EXTL3: variants seen among roughly 807,000 people sequenced by gnomAD.
EXTL3 encodes exostosin like glycosyltransferase 3.
A neutral mutation model predicts 69.3 loss-of-function variants in EXTL3; 27 were observed. The observed-to-expected ratio is 0.39, with a 90% CI of 0.29 to 0.54. EXTL3 has a LOEUF of 0.54. Ranked by LOEUF, EXTL3 falls within the 20% of genes least tolerant of loss-of-function variation. The pLI is 0.69. For synonymous variants in EXTL3, 511 were observed against 499.4 expected, an observed-to-expected ratio of 1.02 and a Z score of -0.31; for missense variants, 1,003 against 1,231.8, an observed-to-expected ratio of 0.81 and a Z score of 2.78.
chr8:28,628,810 T>C (rs1008747491), intron 1 of EXTL3, among the ~76,000 whole-genome samples: 3 of 152,130 alleles, frequency 2.0e-5, no homozygotes, highest in Non-Finnish European at 4.4e-5. Flanking sequence ...CACACCGTCA[T>C]TCCTGGCTAA....
intron 4 of EXTL3, among the ~76,000 whole-genome samples, chr8:28,736,864 GC>G (rs760589931): frequency 1.8e-4 from 28 of 152,202 alleles, no homozygotes; most frequent in Admixed American, 3.3e-4. Context: ...GGGAGGTGGT[GC>G]AATCATAGCT....
chr8:28,664,440 TGACGTGATCATGGCTCACA>T (rs1289579603), intron 1 of EXTL3, among the ~76,000 whole-genome samples: 6 of 152,158 alleles, frequency 3.9e-5, no homozygotes, highest in African/African-American at 1.4e-4. Context: ...TGGAGTGAAG[TGACGTGATCATGGCTCACA>T]GACGTGAGCC....
intron 3 of EXTL3, among the ~76,000 whole-genome samples, chr8:28,730,703 A>G (rs866323839): frequency 6.6e-6 from 1 of 152,168 alleles, no homozygotes. Flanking sequence ...AGTAGTCAGC[A>G]TTGTAGGTAG....
At chr8:28,733,304 CTTG>C (rs1231372077) in intron 4 of EXTL3, among the ~76,000 whole-genome samples, 1 of 152,012 alleles carries the variant, frequency 6.6e-6, no homozygotes, top group South Asian at 2.1e-4. Context: ...TTCGTCAATG[CTTG>C]TTATTTTCCA....
intron 1 of EXTL3, among the ~76,000 whole-genome samples, chr8:28,644,672 C>CTCTAAAAAATAAAA (rs1806800409): frequency 6.6e-6 from 1 of 152,108 alleles, no homozygotes; most frequent in Non-Finnish European, 1.5e-5. Context: ...AAGACCCTGT[C>CTCTAAAAAATAAAA]TCTAAAAAAT....
rs1252270730 is a variant in EXTL3 at position 28,750,543 on chromosome 8, C to T, written c.2551-114C>T. The T allele has an allele frequency of 3.4e-6, 3 of 875,876 alleles. No individual in the cohort carries two copies. The highest frequency in any genetic ancestry group is 1.6e-5 in the African/African-American group (1 of 60,774). The allele number at this position is 875,876 out of a possible 1,614,324, so 54.3% of individuals were successfully genotyped here. ...TGCCATGCTCTGCAGGGATGTTGCC[C>T]CTGAGGGGATCAGCGTCTTCACCAT... On this transcript the variant is annotated intron_variant, in intron 6 of 6. Transcript: ENST00000220562. This position sits in a 1 kb window ranked among gnomAD's most constrained non-coding sequence, Gnocchi z 5.2.
intron 1 of EXTL3, among the ~76,000 whole-genome samples, chr8:28,666,128 C>A (rs1378990180): frequency 6.6e-6 from 1 of 152,198 alleles, no homozygotes; most frequent in Non-Finnish European, 1.5e-5. Flanking sequence ...TTATTTCACT[C>A]TTTTTCAAAA....
At chr8:28,671,335 C>T (rs1480998383) in intron 1 of EXTL3, among the ~76,000 whole-genome samples, 3 of 129,842 alleles carry the variant, frequency 2.3e-5, no homozygotes, top group Non-Finnish European at 4.9e-5. Context: ...TTTTTGAGAC[C>T]GACTCTCTCT....
chr8:28,732,206 T>G lies in EXTL3; in HGVS notation c.2276+856T>G, dbSNP rs189905492. Among the ~76,000 whole-genome samples, 14 of 152,028 alleles carry G rather than the reference T, an allele frequency of 9.2e-5. No homozygotes were observed. In the East Asian group the frequency reaches 2.7e-3, roughly 29 times the overall value. On this transcript the variant is annotated intron_variant, in intron 4 of 6. Transcript: ENST00000220562. The stretch of plus-strand genomic sequence containing the variant: ...GGTCACTGCAGGGAAGAGGATGGAG[T>G]AGATGAAGGCTACTCCAGGTATCTC...
Position 28,718,103 on chromosome 8 carries a change from A to G in EXTL3, c.2044A>G (p.Arg682Gly). 6.2e-7 allele frequency: 1 copy of G among 1,614,018 alleles called. No homozygotes were observed. The highest frequency in any genetic ancestry group is 1.7e-5 in the Admixed American group (1 of 60,012). Residue 682 changes from arginine (R) to glycine (G), a missense_variant, in exon 3 of 7, where the codon AGG (arginine) becomes GGG (glycine). Arg to Gly is a moderately radical substitution (Grantham distance 125, BLOSUM62 -2). Around this residue, in one of 2 missense-constraint regions of EXTL3, gnomAD observed 261 missense variants for 416.4 expected, o/e 0.63. Coordinates refer to ENST00000220562, the MANE Select transcript of EXTL3 (RefSeq NM_001440.4). Reference protein sequence around the residue: ...REEVLMNSLERLNGLPYLNKV... With the variant: ...REEVLMNSLEGLNGLPYLNKV... Reference sequence around the variant, plus strand: ...GGAAGTGCTTATGAACTCTTTAGAGAGGCTGAATGGCCTCCCTTACCTGAA... The same window carrying G: ...GGAAGTGCTTATGAACTCTTTAGAGGGGCTGAATGGCCTCCCTTACCTGAA...
At chr8:28,644,127 G>T (rs1806790365) in intron 1 of EXTL3, among the ~76,000 whole-genome samples, 1 of 151,768 alleles carries the variant, frequency 6.6e-6, no homozygotes, top group South Asian at 2.1e-4. Flanking sequence ...ACTTTTAGAT[G>T]AATGAAATTA....
At chr8:28,630,047 T>A (rs1234487231) in intron 1 of EXTL3, among the ~76,000 whole-genome samples, 1 of 152,144 alleles carries the variant, frequency 6.6e-6, no homozygotes, top group Non-Finnish European at 1.5e-5. Context: ...CTCTTTTTCT[T>A]TTTTAACTGA....
At chr8:28,651,370 C>T (rs1431269297) in intron 1 of EXTL3, among the ~76,000 whole-genome samples, 2 of 152,056 alleles carry the variant, frequency 1.3e-5, no homozygotes, top group South Asian at 2.1e-4. Flanking sequence ...TTGTCCCCCA[C>T]GCTGGAGTGC....
upstream of EXTL3, chr8:28,699,310 T>G (rs1277118333): frequency 6.6e-6 from 1 of 152,422 alleles, no homozygotes; most frequent in African/African-American, 2.4e-5. Flanking sequence ...TGGTTGAAAT[T>G]AGCAAGAAGA....
chr8:28,685,947 C>T (rs958314688), intron 1 of EXTL3: 1 of 151,962 alleles, frequency 6.6e-6, no homozygotes, highest in African/African-American at 2.4e-5. Context: ...TCACCTACAA[C>T]CTCCGCCTCC....
In EXTL3 at chr8:28,750,926, C is replaced by G. The variant is rs1801990807; in HGVS notation, c.*60C>G. On this transcript the variant is annotated 3_prime_UTR_variant, in exon 7 of 7. Coordinates refer to ENST00000220562, the MANE Select transcript of EXTL3 (RefSeq NM_001440.4). The surrounding 1 kb of genome is among the most constrained non-coding windows in gnomAD (Gnocchi z 5.2). The stretch of plus-strand genomic sequence containing the variant: ...AGGGAGGAAGATGGCTCCCAAGGTT[C>G]CTAGGCATTGCAGGACCTTGGGCAC... 3 of 1,490,750 alleles carry G rather than the reference C, an allele frequency of 2.0e-6. No individual in the cohort carries two copies. The highest frequency in any genetic ancestry group is 2.8e-6 in the Non-Finnish European group (3 of 1,073,860). 92.3% of individuals were successfully genotyped at this position (1,490,750 alleles called of 1,614,324 possible). A position where few individuals can be genotyped will look rare whatever the true frequency, so the allele number is the denominator to read the frequency against.
At chr8:28,667,723 G>T in intron 1 of EXTL3, among the ~76,000 whole-genome samples, 1 of 132,524 alleles carries the variant, frequency 7.5e-6, no homozygotes, top group Non-Finnish European at 1.6e-5. Flanking sequence ...GGTGTGGGGG[G>T]AGGGGGGAGG....
At chr8:28,612,733 T>G (rs565154016) in intron 2 of EXTL3, among the ~76,000 whole-genome samples, 33 of 152,310 alleles carry the variant, frequency 2.2e-4, no homozygotes, top group Admixed American at 4.6e-4. Flanking sequence ...TGACTTTTTT[T>G]TTTTAGACAG....
chr8:28,672,401 G>A (rs1439169222), intron 1 of EXTL3, among the ~76,000 whole-genome samples: 4 of 130,332 alleles, frequency 3.1e-5, no homozygotes, highest in East Asian at 5.1e-4. Context: ...CTGGGCAACC[G>A]AGCGAGACTC....
Sources: allele counts gnomAD v4.1 joint callset (sites outside exome capture counted in the v4.1 genomes callset), GRCh38; gene constraint gnomAD v4.1.1; regional missense constraint gnomAD v4.1.1; non-coding constraint Gnocchi (gnomAD v3.1); transcripts MANE v1.5; gene names NCBI Gene and HGNC (gene_info 2026-07-23, HGNC 2026-07-21).